Variants in NTN4 observed in about 807,000 individuals in gnomAD.
The protein encoded by NTN4 is netrin-4.
Under a neutral mutation model 73.6 loss-of-function variants are expected in NTN4, and 32 were observed. That is an observed-to-expected ratio of 0.44 (90% confidence interval 0.33 to 0.58). The LOEUF (loss-of-function observed/expected upper bound fraction) is 0.58. NTN4 is among the 20% of genes least tolerant of loss of function. The pLI is 0.04. For missense variants in NTN4, 654 were observed against 798.3 expected, an observed-to-expected ratio of 0.82 and a Z score of 2.18; for synonymous variants, 258 against 287.5, an observed-to-expected ratio of 0.90 and a Z score of 1.04.
Position 95,659,015 on chromosome 12 carries a change from T to G in NTN4, c.*71A>C. On this transcript the variant is annotated 3_prime_UTR_variant, in exon 10 of 10. Transcript: ENST00000343702. ...CTTTAAAAAATTCCAGTTTCCTGTCTGAGGTCTTCTTGCTCTAAAGTTTGT... is the reference window on the plus strand; with the variant it reads ...CTTTAAAAAATTCCAGTTTCCTGTCGGAGGTCTTCTTGCTCTAAAGTTTGT... 1 of 1,452,756 alleles carries G rather than the reference T, an allele frequency of 6.9e-7. No individual in the cohort carries two copies. Among genetic ancestry groups the G allele is most frequent in the South Asian group, 1.4e-5 (1 of 72,330 alleles). The allele number at this position is 1,452,756 out of a possible 1,614,324, so 90.0% of individuals were successfully genotyped here. A position where few individuals can be genotyped will look rare whatever the true frequency, so the allele number is the denominator to read the frequency against.
chr12:95,714,712 T>C (rs1026043207), intron 3 of NTN4, among the ~76,000 whole-genome samples: 3 of 151,912 alleles, frequency 2.0e-5, no homozygotes, highest in South Asian at 2.1e-4. Context: ...AAGGTGGAGA[T>C]TGGAGCTGGC....
At position 95,787,132 on chromosome 12, in the gene NTN4, A is replaced by G. The variant is rs998989411; in HGVS notation, c.392T>C (p.Ile131Thr). The change falls in exon 2 of 10, where the codon ATT (isoleucine) becomes ACT (threonine). Residue 131 changes from isoleucine (I) to threonine (T), a missense_variant. Transcript: ENST00000343702. ...CGGCCTGGGGGACTTGAACATCACA[A>G]TTAGGTGAGTGAAGTAGAATTCAGC... ...LEAEFYFTHL[I>T]VMFKSPRPAA... 1 of 1,614,046 alleles carries G rather than the reference A, an allele frequency of 6.2e-7. No homozygotes were observed. The highest frequency in any genetic ancestry group is 1.7e-5 in the Admixed American group (1 of 60,002).
At chr12:95,780,534 A>T (rs1165921953) in intron 2 of NTN4, among the ~76,000 whole-genome samples, 1 of 152,228 alleles carries the variant, frequency 6.6e-6, no homozygotes, top group Non-Finnish European at 1.5e-5. Context: ...TATGCAGCCA[A>T]AAGACACATG....
At chr12:95,749,184 T>C (rs2078885108) in intron 2 of NTN4, among the ~76,000 whole-genome samples, 1 of 151,944 alleles carries the variant, frequency 6.6e-6, no homozygotes, top group Non-Finnish European at 1.5e-5. Context: ...CTTCGCTGAC[T>C]CTCTTTTTGG....
intron 2 of NTN4, among the ~76,000 whole-genome samples, chr12:95,741,482 A>AT: frequency 8.6e-6 from 1 of 115,992 alleles, no homozygotes; most frequent in Non-Finnish European, 1.7e-5. Context: ...TATCTCCTCC[A>AT]TGCCAACCTG....
intron 8 of NTN4, among the ~76,000 whole-genome samples, chr12:95,668,454 T>A (rs138858899): frequency 0.021 from 2,800 of 134,090 alleles, 37 homozygotes; most frequent in East Asian, 0.12. Context: ...CTTTCCTTTA[T>A]TGAGCGCTGT....
chr12:95,706,979 C>T (rs1172562228), intron 5 of NTN4, among the ~76,000 whole-genome samples: 2 of 152,162 alleles, frequency 1.3e-5, no homozygotes, highest in Non-Finnish European at 2.9e-5. Context: ...ACAGATTTCC[C>T]AGGTGATGCT....
chr12:95,681,697 C>CATGG (rs1565882037), intron 7 of NTN4, among the ~76,000 whole-genome samples: 1 of 152,176 alleles, frequency 6.6e-6, no homozygotes, highest in African/African-American at 2.4e-5. Flanking sequence ...ATACCACTAT[C>CATGG]ATGGCATGCC....
chr12:95,763,000 T>C (rs2078999035), intron 2 of NTN4, among the ~76,000 whole-genome samples: 1 of 152,184 alleles, frequency 6.6e-6, no homozygotes, highest in African/African-American at 2.4e-5. Context: ...TTTTTGTTTT[T>C]AAATAATGAC....
At chr12:95,718,480 T>C (rs912246653) in intron 3 of NTN4, among the ~76,000 whole-genome samples, 4 of 152,208 alleles carry the variant, frequency 2.6e-5, no homozygotes, top group Admixed American at 6.5e-5. Flanking sequence ...AGGTTCCTTC[T>C]AGTCTTAAGG....
chr12:95,747,114 G>C (rs1366366578), intron 2 of NTN4, among the ~76,000 whole-genome samples: 1 of 152,054 alleles, frequency 6.6e-6, no homozygotes, highest in Non-Finnish European at 1.5e-5. Context: ...AATAAAGTTA[G>C]AAGTATAGTT....
intron 5 of NTN4, among the ~76,000 whole-genome samples, chr12:95,686,895 C>G (rs1242687807): frequency 2.6e-5 from 4 of 152,266 alleles, no homozygotes; most frequent in African/African-American, 9.6e-5. Flanking sequence ...GAAACACACA[C>G]TATACAGTTG....
chr12:95,708,350 T>C (rs1458346765), intron 5 of NTN4, among the ~76,000 whole-genome samples: 1 of 151,336 alleles, frequency 6.6e-6, no homozygotes. Flanking sequence ...TGCAGTGGCA[T>C]GATCTCGGCT....
intron 2 of NTN4, among the ~76,000 whole-genome samples, chr12:95,759,491 GT>G (rs61286357): frequency 7.2e-4 from 98 of 136,368 alleles, no homozygotes; most frequent in Non-Finnish European, 9.2e-4. Context: ...TAGTATTTTT[GT>G]TTTTTTTTTT....
chr12:95,735,538 A>G (rs906918463), intron 3 of NTN4, among the ~76,000 whole-genome samples: 2 of 152,216 alleles, frequency 1.3e-5, no homozygotes, highest in African/African-American at 4.8e-5. Context: ...GATTAGTAAG[A>G]AAATGAGGTT....
intron 2 of NTN4, among the ~76,000 whole-genome samples, chr12:95,758,555 GT>G (rs534016557): frequency 1.3e-5 from 2 of 152,048 alleles, no homozygotes; most frequent in Non-Finnish European, 2.9e-5. Flanking sequence ...AATAGCAATA[GT>G]TTTTTATTTT....
At chr12:95,724,092 G>A (rs2078672131) in intron 3 of NTN4, among the ~76,000 whole-genome samples, 2 of 152,042 alleles carry the variant, frequency 1.3e-5, no homozygotes, top group African/African-American at 4.8e-5. Context: ...GTTTCGTATA[G>A]TGGGGTTGGA....
chr12:95,723,249 C>T (rs12371358), intron 3 of NTN4, among the ~76,000 whole-genome samples: 53,757 of 151,478 alleles, frequency 0.35, 11,234 homozygotes, highest in Non-Finnish European at 0.47. Context: ...TTCCTGCTGT[C>T]GGGGAAAAAT....
chr12:95,691,961 T>C lies in NTN4; in HGVS notation c.1181-8250A>G, dbSNP rs1294128453. 2.0e-5 allele frequency among the ~76,000 whole-genome samples: 3 copies of C among 152,146 alleles called. No homozygotes were observed. In the East Asian group the frequency reaches 5.8e-4, roughly 29 times the overall value. ...CCACAACCATGGTGGCAAAACAAAA[T>C]TATTAAAAATGTCAATTTAATTTCC... On this transcript the variant is annotated intron_variant, in intron 5 of 9. Transcript: ENST00000343702.
Sources: gnomAD v4.1 joint callset for allele counts (sites outside exome capture counted in the v4.1 genomes callset) on GRCh38, gnomAD v4.1.1 for gene constraint, MANE v1.5 for transcripts, NCBI Gene and HGNC (gene_info 2026-07-23, HGNC 2026-07-21) for gene names.